FARP2: variants seen among roughly 807,000 people sequenced by gnomAD.
FARP2 encodes the protein FERM, ARHGEF and pleckstrin domain-containing protein 2.
A neutral mutation model predicts 130.5 loss-of-function variants in FARP2; 111 were observed. That is an observed-to-expected ratio of 0.85 (90% confidence interval 0.73 to 1.00). FARP2 has a LOEUF of 1.00. FARP2 is among the 50% of genes least tolerant of loss of function. FARP2 has a pLI of 0.00. For synonymous variants in FARP2, 504 were observed against 516.9 expected, an observed-to-expected ratio of 0.98 and a Z score of 0.34; for missense variants, 1,385 against 1,346.3, an observed-to-expected ratio of 1.03 and a Z score of -0.45.
intron 18 of FARP2, among the ~76,000 whole-genome samples, chr2:241,472,882 GA>G (rs1426503974): frequency 3.3e-5 from 5 of 150,470 alleles, no homozygotes; most frequent in African/African-American, 1.2e-4. Flanking sequence ...ATCCTGTTCT[GA>G]GGGGAACCTC....
chr2:241,465,560 A>C, intron 17 of FARP2: 1 of 1,550,590 alleles, frequency 6.4e-7, no homozygotes, highest in Non-Finnish European at 8.7e-7. Flanking sequence ...TTTCTCTTCA[A>C]TAGGAGCAAC....
At chr2:241,383,170 C>T (rs1188701142) in intron 2 of FARP2, among the ~76,000 whole-genome samples, 1 of 152,232 alleles carries the variant, frequency 6.6e-6, no homozygotes, top group Non-Finnish European at 1.5e-5. Flanking sequence ...CACCCTCTGC[C>T]GTCGGAGCTG....
At chr2:241,356,838 G>A (rs1249226610) in intron 1 of FARP2, among the ~76,000 whole-genome samples, 1 of 152,260 alleles carries the variant, frequency 6.6e-6, no homozygotes, top group African/African-American at 2.4e-5. Context: ...GGGCCTGGAG[G>A]TGCCTGGTGG....
chr2:241,491,794 G>A, intron 24 of FARP2, 115 bp downstream of exon 24: 1 of 1,005,850 alleles, frequency 9.9e-7, no homozygotes, highest in Non-Finnish European at 1.4e-6. Context: ...TGGCCCCAGA[G>A]GACTGCCTCT....
intron 2 of FARP2, among the ~76,000 whole-genome samples, chr2:241,397,441 C>T (rs6724088): frequency 0.76 from 115,455 of 152,108 alleles, 44,093 homozygotes; most frequent in Middle Eastern, 0.85. Context: ...AATAACTTAA[C>T]TTGCATACAG....
intron 5 of FARP2, among the ~76,000 whole-genome samples, chr2:241,410,363 C>T (rs1207568549): frequency 1.3e-5 from 2 of 151,796 alleles, no homozygotes; most frequent in Non-Finnish European, 2.9e-5. Flanking sequence ...GACCTTCCTC[C>T]TTGAAGGTAT....
In FARP2 at chr2:241,404,840, A is replaced by C; in HGVS notation, c.330A>C (p.Arg110=). 6.2e-7 allele frequency: 1 copy of C among 1,607,954 alleles called. No homozygotes were observed. Among genetic ancestry groups the C allele is most frequent in the Non-Finnish European group, 8.5e-7 (1 of 1,174,590 alleles). ...EPMKPIIRQI[R]RPKNVVLRLA... The stretch of plus-strand genomic sequence containing the variant: ...TGAAACCCATCATTAGGCAAATACG[A>C]AGTAAGTCCTTGGTTTGACTCTTTA... Residue 110 remains arginine (R), a splice_region_variant and synonymous_variant, in exon 4 of 27, where the codon CGA becomes CGC. Coordinates refer to ENST00000264042, the MANE Select transcript of FARP2 (RefSeq NM_014808.4).
chr2:241,476,214 TAAAAAAAAAAA>T lies in FARP2; in HGVS notation c.2262+238_2262+248del, dbSNP rs57746386. ...ACAGGGAAACCCCATTTCTATGAAT[TAAAAAAAAAAA>T]AAAAAAAAAAGAATTGCTGGGTGTG... is the stretch of plus-strand genomic sequence containing the variant. On this transcript the variant is annotated intron_variant, in intron 19 of 26. Transcript: ENST00000264042. Among the ~76,000 whole-genome samples the T allele has an allele frequency of 2.8e-5, 3 of 108,166 alleles. 1 individual carries two copies. The highest frequency in any genetic ancestry group is 5.6e-5 in the Non-Finnish European group (3 of 53,296). The allele number at this position is 108,166 out of a possible 152,430, so 71.0% of individuals were successfully genotyped here. A position where few individuals can be genotyped will look rare whatever the true frequency, so the allele number is the denominator to read the frequency against.
At chr2:241,492,668 G>T in intron 24 of FARP2, 1 of 411,282 alleles carries the variant, frequency 2.4e-6, no homozygotes, top group Non-Finnish European at 4.4e-6. Flanking sequence ...GTTTGTGGAT[G>T]GTTGGTTACT....
intron 1 of FARP2, among the ~76,000 whole-genome samples, chr2:241,358,296 C>T (rs1370637737): frequency 5.9e-5 from 9 of 151,978 alleles, no homozygotes; most frequent in Admixed American, 4.6e-4. Flanking sequence ...ACAAATAATC[C>T]GAGTAGAAAG....
rs186513072 is a variant in FARP2 at position 241,424,140 on chromosome 2, C to T, written c.771+6031C>T. On this transcript the variant is annotated intron_variant, in intron 8 of 26. Coordinates refer to ENST00000264042, the MANE Select transcript of FARP2 (RefSeq NM_014808.4). ...ATAGATAGCTACAGAACTGTCCCCCCAAAAACAAAAGAATATAAATTCTTC... is the reference window on the plus strand; with the variant it reads ...ATAGATAGCTACAGAACTGTCCCCCTAAAAACAAAAGAATATAAATTCTTC... Among the ~76,000 whole-genome samples, 171 of 152,282 alleles carry T rather than the reference C, an allele frequency of 1.1e-3. 1 individual carries two copies. Among genetic ancestry groups the T allele is most frequent in the Admixed American group, 6.8e-3 (104 of 15,288 alleles).
chr2:241,386,638 C>G (rs2061790715), intron 2 of FARP2: 3 of 152,242 alleles, frequency 2.0e-5, no homozygotes, highest in South Asian at 2.1e-4. Flanking sequence ...TGTGCAGATT[C>G]AGGGGGAGTA....
rs1427247874 is a variant in FARP2 at position 241,418,089 on chromosome 2, A to C, written c.751A>C (p.Met251Leu). Residue 251 changes from methionine (M) to leucine (L), a missense_variant, in exon 8 of 27, where the codon ATG becomes CTG. Transcript: ENST00000264042. ...CAAGATTCAACTGGCAGTTTCCCAC[A>C]TGGGTGTACTCGTGTTCCAGGTAGG... ...GTKIQLAVSH[M>L]GVLVFQGTTK... 1 of 1,614,156 alleles carries C rather than the reference A, an allele frequency of 6.2e-7. No homozygotes were observed. The highest frequency in any genetic ancestry group is 1.7e-5 in the Admixed American group (1 of 60,008).
At chr2:241,428,291 G>A (rs2063007092) in intron 8 of FARP2, among the ~76,000 whole-genome samples, 1 of 141,054 alleles carries the variant, frequency 7.1e-6, no homozygotes, top group African/African-American at 2.6e-5. Context: ...CTGGAGTACA[G>A]TGGCGCAGTC....
intron 18 of FARP2, among the ~76,000 whole-genome samples, chr2:241,474,949 C>T (rs1371287208): frequency 1.3e-5 from 2 of 152,144 alleles, no homozygotes; most frequent in African/African-American, 4.8e-5. Flanking sequence ...TGCTACGCCA[C>T]CACTCTCAGC....
intron 15 of FARP2, 133 bp downstream of exon 15, chr2:241,462,745 G>A (rs1023732875): frequency 3.1e-5 from 20 of 639,256 alleles, no homozygotes; most frequent in Admixed American, 1.0e-4. Flanking sequence ...GCTGGAGTGC[G>A]GTGGCATGAT....
intron 2 of FARP2, among the ~76,000 whole-genome samples, chr2:241,392,617 C>G (rs1486310029): frequency 1.3e-5 from 2 of 152,076 alleles, no homozygotes; most frequent in African/African-American, 4.8e-5. Context: ...TCATTTGTCC[C>G]TCTATGATAC....
Position 241,456,929 on chromosome 2 carries a change from C to G in FARP2, c.1587+7C>G, listed in dbSNP as rs2063859292. Reference sequence around the variant, plus strand: ...CGAGGAGCCCAGACACAAGGTGGGCCCCTCGAGGCTGAGAAGCTAGCAGAG... The same window carrying G: ...CGAGGAGCCCAGACACAAGGTGGGCGCCTCGAGGCTGAGAAGCTAGCAGAG... On this transcript the variant is annotated splice_region_variant and intron_variant, in intron 14 of 26. Coordinates refer to ENST00000264042, the MANE Select transcript of FARP2 (RefSeq NM_014808.4). 1 of 1,578,382 alleles carries G rather than the reference C, an allele frequency of 6.3e-7. No individual in the cohort carries two copies. The highest frequency in any genetic ancestry group is 1.2e-5 in the South Asian group (1 of 86,672).
intron 6 of FARP2, 21 bp from the exon 7 acceptor site, chr2:241,413,286 C>G (rs766945479): frequency 2.2e-5 from 33 of 1,478,580 alleles, no homozygotes; most frequent in Non-Finnish European, 2.6e-5. Flanking sequence ...AAATTAGTTA[C>G]TTACTTTTAA....
Sources: allele counts gnomAD v4.1 joint callset (sites outside exome capture counted in the v4.1 genomes callset), GRCh38; gene constraint gnomAD v4.1.1; transcripts MANE v1.5; gene names NCBI Gene and HGNC (gene_info 2026-07-23, HGNC 2026-07-21).